SUV39H1: variants seen among roughly 807,000 people sequenced by gnomAD.
SUV39H1 encodes histone-lysine N-methyltransferase SUV39H1.
For missense variants in SUV39H1, 180 were observed against 386.3 expected, an observed-to-expected ratio of 0.47 and a Z score of 4.48; for synonymous variants, 141 against 150.5, an observed-to-expected ratio of 0.94 and a Z score of 0.46.
upstream of SUV39H1, chrX:48,696,003 C>G: frequency 1.1e-6 from 1 of 931,423 alleles, no homozygotes; most frequent in Non-Finnish European, 1.5e-6. Context: ...CTGATAGTGC[C>G]CGACAGGGCT....
intron 1 of SUV39H1, among the ~76,000 whole-genome samples, chrX:48,698,319 C>T (rs1448237962): frequency 8.9e-6 from 1 of 111,842 alleles, no homozygotes; most frequent in Non-Finnish European, 1.9e-5. Flanking sequence ...TGTCCCCTGG[C>T]CACGCTGGGG....
intron 1 of SUV39H1, among the ~76,000 whole-genome samples, chrX:48,698,560 G>GCTCTC (rs1408672692): frequency 9.0e-6 from 1 of 111,510 alleles, no homozygotes; most frequent in African/African-American, 3.3e-5. Context: ...TTTGCAAAGT[G>GCTCTC]GAGAGAGGGG....
chrX:48,707,390 C>A, intron 5 of SUV39H1, 47 bp from the exon 6 acceptor site: 1 of 1,167,719 alleles, frequency 8.6e-7, no homozygotes, highest in African/African-American at 1.8e-5. Context: ...TCTCCCCCTC[C>A]CTCCCTGCCT....
At position 48,706,527 on chromosome X, in the gene SUV39H1, C is replaced by T. The variant is rs1557010170; in HGVS notation, c.1005C>T (p.Val335=). The T allele has an allele frequency of 3.3e-6, 4 of 1,203,542 alleles. No individual in the cohort carries two copies. The highest frequency in any genetic ancestry group is 4.5e-6 in the Non-Finnish European group (4 of 890,988). ...SCDPNLQVYN[V]FIDNLDERLP... Reference sequence around the variant, plus strand: ...ACCCCAACCTGCAGGTGTACAACGTCTTCATAGACAACCTTGACGAGCGGC... The same window carrying T: ...ACCCCAACCTGCAGGTGTACAACGTTTTCATAGACAACCTTGACGAGCGGC... The change falls in exon 5 of 6, where the codon GTC becomes GTT. Residue 335 remains valine, a synonymous_variant. Coordinates refer to ENST00000376687, the MANE Select transcript of SUV39H1 (RefSeq NM_003173.4).
Position 48,700,531 on chromosome X carries a change from G to A in SUV39H1, c.606G>A (p.Lys202=), listed in dbSNP as rs782283586. ...GGCCPGASLH[K]FAYNDQGQVR... ...GCTGCCCGGGGGCGTCACTGCACAAGTTTGCCTACAATGACCAGGGCCAGG... is the reference window on the plus strand; with the variant it reads ...GCTGCCCGGGGGCGTCACTGCACAAATTTGCCTACAATGACCAGGGCCAGG... Residue 202 remains lysine (K), a synonymous_variant, in exon 3 of 6, where the codon AAG becomes AAA. Coordinates refer to ENST00000376687, the MANE Select transcript of SUV39H1 (RefSeq NM_003173.4). The A allele has an allele frequency of 8.2e-7, 1 of 1,212,445 alleles. No individual in the cohort carries two copies. The highest frequency in any genetic ancestry group is 1.1e-6 in the Non-Finnish European group (1 of 895,648).
chrX:48,703,604 C>T (rs782197445), intron 3 of SUV39H1, among the ~76,000 whole-genome samples: 8 of 112,377 alleles, frequency 7.1e-5, no homozygotes, highest in East Asian at 2.8e-4. Context: ...TTTAACATCT[C>T]GGAAATGAAG....
intron 3 of SUV39H1, 158 bp downstream of exon 3, chrX:48,700,911 C>A: frequency 7.6e-6 from 5 of 656,391 alleles, no homozygotes; most frequent in Non-Finnish European, 1.2e-5. Flanking sequence ...TGGGCAGGGG[C>A]TAGTATTCCA....
intron 3 of SUV39H1, chrX:48,705,502 GA>G (rs1557009995): frequency 8.7e-6 from 1 of 114,654 alleles, no homozygotes; most frequent in African/African-American, 3.2e-5. Flanking sequence ...CTGGGGCTAG[GA>G]TGGCAGCAAA....
chrX:48,706,677 C>T (rs781885078), intron 5 of SUV39H1, 50 bp downstream of exon 5: 4 of 1,150,178 alleles, frequency 3.5e-6, no homozygotes, highest in African/African-American at 1.8e-5. Context: ...ACTTGGGACA[C>T]AAGGACCCCT....
chrX:48,700,231 C>T lies in SUV39H1; in HGVS notation c.306C>T (p.His102=), dbSNP rs1557009222. The change falls in exon 3 of 6, where the codon CAC becomes CAT. Residue 102 remains histidine, a synonymous_variant. Coordinates refer to ENST00000376687, the MANE Select transcript of SUV39H1 (RefSeq NM_003173.4). ...AAAGGGAGCTGCTCCGGCGGCACCA[C>T]CGGTCAAAGACCCCCCGGCACCTGG... ...DLERELLRRH[H]RSKTPRHLDP... 2.5e-6 allele frequency: 3 copies of T among 1,204,959 alleles called. No homozygotes were observed. Among genetic ancestry groups the T allele is most frequent in the Admixed American group, 2.2e-5 (1 of 45,444 alleles).
Position 48,706,593 on chromosome X carries a change from A to T in SUV39H1, c.1071A>T (p.Ala357=), listed in dbSNP as rs1557010183. ...IAFFATRTIR[A]GEELTFDYNM... ...TCTTTGCCACAAGAACCATCCGGGCAGGCGAGGAGCTCACCTTTGATTACA... is the reference window on the plus strand; with the variant it reads ...TCTTTGCCACAAGAACCATCCGGGCTGGCGAGGAGCTCACCTTTGATTACA... The change falls in exon 5 of 6, where the codon GCA becomes GCT. Residue 357 remains alanine, a synonymous_variant. Transcript: ENST00000376687. 3.3e-6 allele frequency: 4 copies of T among 1,209,830 alleles called. No homozygotes were observed. The East Asian group carries it at 1.2e-4, about 36-fold the overall frequency.
chrX:48,696,335 G>C (rs2062454753), upstream of SUV39H1, among the ~76,000 whole-genome samples: 2 of 112,334 alleles, frequency 1.8e-5, no homozygotes, highest in South Asian at 7.3e-4. Flanking sequence ...CACCTGTCTG[G>C]GGCGACCGCC....
At chrX:48,699,883 GGACA>G (rs1438201478) in intron 2 of SUV39H1, among the ~76,000 whole-genome samples, 2 of 110,909 alleles carry the variant, frequency 1.8e-5, no homozygotes, top group Non-Finnish European at 3.8e-5. Context: ...GGAACAGTTT[GGACA>G]GACAGTAAGG....
At chrX:48,695,640 GGTCA>G, upstream of SUV39H1, 9 of 1,102,480 alleles carry the variant, frequency 8.2e-6, no homozygotes, top group Non-Finnish European at 1.1e-5. Flanking sequence ...CAGACGGTGC[GGTCA>G]GTCGGATGCT....
At chrX:48,703,618 T>G (rs782404650) in intron 3 of SUV39H1, among the ~76,000 whole-genome samples, 1 of 112,679 alleles carries the variant, frequency 8.9e-6, no homozygotes, top group African/African-American at 3.2e-5. Flanking sequence ...AATGAAGATG[T>G]CTTAATTAAA....
chrX:48,696,826 GCGGGCCCGCTGGC>G (rs1569494664), intron 1 of SUV39H1, 23 bp downstream of exon 1: 2 of 1,111,512 alleles, frequency 1.8e-6, no homozygotes, highest in Non-Finnish European at 1.2e-6. Context: ...AGGCAGAGGC[GCGGGCCCGCTGGC>G]CGGGCCGGGT....
upstream of SUV39H1, chrX:48,695,766 G>A: frequency 1.7e-6 from 2 of 1,155,768 alleles, no homozygotes; most frequent in Non-Finnish European, 1.1e-6. Context: ...GTTACGGACT[G>A]TCTGCCCTGA....
rs2062497077 is a variant in SUV39H1 at position 48,707,941 on chromosome X, G to A, written c.*371G>A. 7.3e-6 allele frequency: 2 copies of A among 273,540 alleles called. No individual in the cohort carries two copies. The highest frequency in any genetic ancestry group is 1.4e-5 in the Non-Finnish European group (2 of 142,778). 22.5% of individuals were successfully genotyped at this position (273,540 alleles called of 1,213,427 possible). A position where few individuals can be genotyped will look rare whatever the true frequency, so the allele number is the denominator to read the frequency against. On this transcript the variant is annotated 3_prime_UTR_variant, in exon 6 of 6. Transcript: ENST00000376687. ...CCTGCTTCTGCCTGGAGATTGAGGG[G>A]TCTGCTGCAGGCCTCCTCCCTGCTG...
Position 48,698,913 on chromosome X carries a change from T to C in SUV39H1, c.31T>C (p.Cys11Arg). The stretch of plus-strand genomic sequence containing the variant: ...CCCGCTTGATCCAGGCTGCAGCGTG[T>C]GTTGCAAGTCTTCTTGGAATCAGCT... MAENLKGCSV[C>R]CKSSWNQLQD... The change falls in exon 2 of 6, where the codon TGT becomes CGT. Residue 11 changes from cysteine to arginine, a missense_variant. Transcript: ENST00000376687. The C allele has an allele frequency of 8.3e-7, 1 of 1,210,366 alleles. No homozygotes were observed. Among genetic ancestry groups the C allele is most frequent in the Non-Finnish European group, 1.1e-6 (1 of 894,954 alleles).
Sources: allele counts gnomAD v4.1 joint callset (sites outside exome capture counted in the v4.1 genomes callset), GRCh38; gene constraint gnomAD v4.1.1; transcripts MANE v1.5; gene names NCBI Gene and HGNC (gene_info 2026-07-23, HGNC 2026-07-21).